The following PKD1L3 variants were observed in gnomAD, a reference collection of about 807,000 sequenced individuals.
The protein encoded by PKD1L3 is polycystin 1 like 3, transient receptor potential channel interacting, also known as polycystin-1-like protein 3.
Under a neutral mutation model 184.1 loss-of-function variants are expected in PKD1L3, and 239 were observed. The observed-to-expected ratio is 1.30, with a 90% confidence interval of 1.17 to 1.45. The LOEUF (loss-of-function observed/expected upper bound fraction) is 1.45, where lower values mean the gene tolerates loss of function less well. Ranked by LOEUF, PKD1L3 falls within the 40% of genes most tolerant of loss-of-function variation. The pLI is 0.00. For synonymous variants in PKD1L3, 996 were observed against 778.8 expected, an observed-to-expected ratio of 1.28 and a Z score of -4.64; for missense variants, 2,660 against 2,067.2, an observed-to-expected ratio of 1.29 and a Z score of -5.56.
chr16:71,985,481 C>A (rs540306790), intron 5 of PKD1L3, among the ~76,000 whole-genome samples: 1 of 152,160 alleles, frequency 6.6e-6, no homozygotes, highest in Non-Finnish European at 1.5e-5. Context: ...TACAGTGGCA[C>A]AATCATGGCT....
intron 2 of PKD1L3, among the ~76,000 whole-genome samples, chr16:71,994,191 T>C (rs536695444): frequency 2.4e-4 from 37 of 152,308 alleles, no homozygotes; most frequent in Non-Finnish European, 4.3e-4. Flanking sequence ...TTAAATTCGC[T>C]ATCGTGAAGC....
chr16:71,945,599 A>T (rs1407144962), intron 22 of PKD1L3, among the ~76,000 whole-genome samples: 2 of 151,764 alleles, frequency 1.3e-5, no homozygotes, highest in Admixed American at 1.3e-4. Context: ...AACTGCTTGA[A>T]TCTGGGAGGC....
intron 6 of PKD1L3, among the ~76,000 whole-genome samples, chr16:71,983,246 A>G (rs1232131120): frequency 1.3e-5 from 2 of 151,760 alleles, no homozygotes; most frequent in Admixed American, 6.6e-5. Flanking sequence ...TTCCGGGCTC[A>G]AACCATCCTC....
rs1298500286 is a variant in PKD1L3 at position 71,982,184 on chromosome 16, G to C, written c.1018C>G (p.Pro340Ala). 1.3e-6 allele frequency: 2 copies of C among 1,550,734 alleles called. No individual in the cohort carries two copies. The highest frequency in any genetic ancestry group is 8.7e-7 in the Non-Finnish European group (1 of 1,146,518). ...IYLSEELLRI[P>A]FQNNNSLGFK... ...CCCAGACTGTTGTTGTTCTGAAATGGGATCCTGAGTAACTCCTCACTCAGG... is the reference window on the plus strand; with the variant it reads ...CCCAGACTGTTGTTGTTCTGAAATGCGATCCTGAGTAACTCCTCACTCAGG... Residue 340 changes from proline (P) to alanine (A), a missense_variant, in exon 7 of 30, where the codon CCA becomes GCA. Transcript: ENST00000620267.
chr16:71,954,933 A>G (rs1163619636), intron 16 of PKD1L3, among the ~76,000 whole-genome samples: 2 of 152,126 alleles, frequency 1.3e-5, no homozygotes, highest in East Asian at 3.8e-4. Flanking sequence ...AAAGGGAGGG[A>G]CAAAGCCAAC....
At position 71,977,277 on chromosome 16, in the gene PKD1L3, T is replaced by C. The variant is rs1183005791; in HGVS notation, c.1718A>G (p.His573Arg). The C allele has an allele frequency of 6.5e-7, 1 of 1,537,960 alleles. No individual in the cohort carries two copies. Among genetic ancestry groups the C allele is most frequent in the Admixed American group, 2.0e-5 (1 of 50,972 alleles). The change falls in exon 11 of 30, where the codon CAC (histidine) becomes CGC (arginine). Residue 573 changes from histidine (H) to arginine (R), a missense_variant. By Grantham distance (29) the His-to-Arg change is conservative. Transcript: ENST00000620267. ...ATCCTTTGGAAGGGTGATGTTCAGG[T>C]GGAAGTGAGTGCAGTTAGGCTGATA... ...FQYQPNCTHF[H>R]LNITLPKDKV... is the part of the protein sequence containing the mutation.
chr16:71,977,561 T>TGCCTC, intron 10 of PKD1L3, 94 bp from the exon 11 acceptor site: 1 of 392,196 alleles, frequency 2.5e-6, no homozygotes. Context: ...GTCCTAGCTC[T>TGCCTC]TTTTTTTTTT....
At chr16:71,978,134 A>G (rs928401150) in intron 10 of PKD1L3, 121 bp downstream of exon 10, 243 of 1,199,100 alleles carry the variant, frequency 2.0e-4, no homozygotes, top group Non-Finnish European at 2.4e-4. Context: ...TAAGATGTTA[A>G]TAACAAAACA....
intron 16 of PKD1L3, among the ~76,000 whole-genome samples, chr16:71,958,034 G>T (rs899355953): frequency 6.6e-6 from 1 of 152,136 alleles, no homozygotes; most frequent in Non-Finnish European, 1.5e-5. Flanking sequence ...AAAGTGTTAA[G>T]GGAAAAATAA....
At position 71,930,140 on chromosome 16, in the gene PKD1L3, G is replaced by T; in HGVS notation, c.4970C>A (p.Thr1657Asn). Residue 1657 changes from threonine to asparagine, a missense_variant, in exon 29 of 30, where the codon ACC becomes AAC. Physicochemically the swap from Thr to Asn is moderately conservative, Grantham distance 65. Transcript: ENST00000620267. ...DPVLGTFLIL[T>N]SVILMVLVVI... ...CACAAGTACCATCAAGATGACACTGGTGAGGATCAGAAAGGTGCCCAGGAC... is the reference window on the plus strand; with the variant it reads ...CACAAGTACCATCAAGATGACACTGTTGAGGATCAGAAAGGTGCCCAGGAC... The T allele has an allele frequency of 6.4e-7, 1 of 1,551,624 alleles. No homozygotes were observed. The highest frequency in any genetic ancestry group is 1.2e-5 in the South Asian group (1 of 84,050).
At chr16:71,983,870 C>G (rs2040258743) in intron 6 of PKD1L3, among the ~76,000 whole-genome samples, 166 bp downstream of exon 6, 1 of 151,760 alleles carries the variant, frequency 6.6e-6, no homozygotes, top group Non-Finnish European at 1.5e-5. Flanking sequence ...GCCATGTTGC[C>G]CAGTCAGGTC....
At chr16:71,979,286 A>C (rs1481878847) in intron 9 of PKD1L3, among the ~76,000 whole-genome samples, 1 of 152,206 alleles carries the variant, frequency 6.6e-6, no homozygotes, top group Non-Finnish European at 1.5e-5. Context: ...TCTACTAAAA[A>C]TACAAAAATT....
Position 71,999,780 on chromosome 16 carries a change from G to C in PKD1L3, c.199C>G (p.Gln67Glu). 4 of 1,551,666 alleles carry C rather than the reference G, an allele frequency of 2.6e-6. No homozygotes were observed. Among genetic ancestry groups the C allele is most frequent in the Non-Finnish European group, 3.5e-6 (4 of 1,146,984 alleles). ...FLAHIWNKEVQDLIRDYLEEG... is the reference protein window; with the variant it reads ...FLAHIWNKEVEDLIRDYLEEG... ...TCCAGATAGTCCCGGATGAGATCTTGAACTTCCTTGTTCCAAATATGAGCT... is the reference window on the plus strand; with the variant it reads ...TCCAGATAGTCCCGGATGAGATCTTCAACTTCCTTGTTCCAAATATGAGCT... The change falls in exon 1 of 30, where the codon CAA (glutamine) becomes GAA (glutamate). Residue 67 changes from glutamine (Q) to glutamate (E), a missense_variant. Transcript: ENST00000620267.
At chr16:71,979,663 A>C in intron 9 of PKD1L3, 123 bp downstream of exon 9, 2 of 1,200,542 alleles carry the variant, frequency 1.7e-6, no homozygotes, top group Non-Finnish European at 2.2e-6. Flanking sequence ...TGAATGCTAC[A>C]TAAACTCTCT....
intron 13 of PKD1L3, 88 bp downstream of exon 13, chr16:71,969,787 G>A: frequency 8.3e-7 from 1 of 1,205,042 alleles, no homozygotes; most frequent in Non-Finnish European, 1.1e-6. Flanking sequence ...CAGGCTTCCT[G>A]CTGCTTTTGA....
At chr16:71,982,297 T>C in intron 6 of PKD1L3, 62 bp from the exon 7 acceptor site, 1 of 1,329,170 alleles carries the variant, frequency 7.5e-7, no homozygotes, top group African/African-American at 1.5e-5. Flanking sequence ...TTTTTTTTTT[T>C]TTTTGGTGAC....
chr16:71,965,121 T>C (rs978341960), intron 15 of PKD1L3, among the ~76,000 whole-genome samples: 1 of 152,178 alleles, frequency 6.6e-6, no homozygotes, highest in South Asian at 2.1e-4. Flanking sequence ...GTGCTGAGAT[T>C]AGAGGTGTGA....
chr16:71,965,735 G>A (rs2039479137), intron 15 of PKD1L3, among the ~76,000 whole-genome samples: 1 of 151,986 alleles, frequency 6.6e-6, no homozygotes, highest in Non-Finnish European at 1.5e-5. Context: ...TGTATTTTTA[G>A]TAGAGACAGG....
chr16:71,989,301 C>T (rs1301606937), intron 4 of PKD1L3, among the ~76,000 whole-genome samples: 1 of 152,190 alleles, frequency 6.6e-6, no homozygotes, highest in Admixed American at 6.5e-5. Flanking sequence ...ATTACAGGCG[C>T]TCCACCAAGC....
Sources: allele counts gnomAD v4.1 joint callset (sites outside exome capture counted in the v4.1 genomes callset), GRCh38; gene constraint gnomAD v4.1.1; transcripts MANE v1.5; gene names NCBI Gene and HGNC (gene_info 2026-07-23, HGNC 2026-07-21).